Variants in ABTB2 observed in about 807,000 individuals in gnomAD.
The protein encoded by ABTB2 is ankyrin repeat and BTB domain containing 2.
In ABTB2, 56 loss-of-function variants were observed where a neutral mutation model predicts 104.1. The observed-to-expected ratio is 0.54, with a 90% CI of 0.43 to 0.67. The LOEUF is 0.67. Among genes scored for constraint, ABTB2 ranks in the 30% least tolerant of loss-of-function variants. The pLI, the probability that ABTB2 is intolerant of heterozygous loss-of-function variation, is 0.00. For synonymous variants in ABTB2, 606 were observed against 608.2 expected (o/e 1.00, Z 0.05); for missense variants, 1,279 against 1,407.7 (o/e 0.91, Z 1.46).
At chr11:34,233,295 A>G (rs773277962) in intron 1 of ABTB2, among the ~76,000 whole-genome samples, 1 of 150,886 alleles carries the variant, frequency 6.6e-6, no homozygotes, top group African/African-American at 2.4e-5. Flanking sequence ...TCTATTACCC[A>G]GGCAGAAGGG....
chr11:34,176,274 C>T (rs548837161), intron 3 of ABTB2, among the ~76,000 whole-genome samples: 74 of 100,368 alleles, frequency 7.4e-4, no homozygotes, highest in Non-Finnish European at 9.8e-4. Context: ...AGTGAGACTC[C>T]GTCTCAAAAA....
intron 1 of ABTB2, among the ~76,000 whole-genome samples, chr11:34,310,038 G>A (rs1172832276): frequency 3.3e-5 from 5 of 152,188 alleles, no homozygotes; most frequent in African/African-American, 1.2e-4. Flanking sequence ...TTGACATTGA[G>A]TAACAGTGAT....
At position 34,160,238 on chromosome 11, in the gene ABTB2, G is replaced by A. The variant is rs550366636; in HGVS notation, c.2503+10C>T. 1.2e-5 allele frequency: 20 copies of A among 1,604,184 alleles called. No individual in the cohort carries two copies. Among genetic ancestry groups the A allele is most frequent in the South Asian group, 4.4e-5 (4 of 90,886 alleles). On this transcript the variant is annotated intron_variant, in intron 12 of 16. Transcript: ENST00000435224. ...TGTGGTGATGCAGGGCGCAGGGGGC[G>A]CGCCTTCACCTAGCCTGGCCGGCAG...
intron 1 of ABTB2, among the ~76,000 whole-genome samples, chr11:34,352,173 C>G (rs371593318): frequency 6.6e-6 from 1 of 152,160 alleles, no homozygotes; most frequent in Non-Finnish European, 1.5e-5. Context: ...GAAGAGGTTT[C>G]GTCCCTGCTC....
At position 34,356,795 on chromosome 11, in the gene ABTB2, A is replaced by C. The variant is rs147157814; in HGVS notation, c.789T>G (p.Ser263=). ...DGGGAGGGEV[S]AEALEMVINN... The stretch of plus-strand genomic sequence containing the variant: ...TGATGACCATCTCCAGGGCCTCAGC[A>C]GACACCTCCCCGCCTCCGGCCCCTC... Residue 263 remains serine (S), a synonymous_variant, in exon 1 of 17, where the codon TCT becomes TCG. Transcript: ENST00000435224. The surrounding 1 kb of genome is among the most constrained non-coding windows in gnomAD (Gnocchi z 4.6). The C allele has an allele frequency of 9.9e-6, 16 of 1,609,760 alleles. No individual in the cohort carries two copies. In the African/African-American group the frequency reaches 1.2e-4, roughly 12 times the overall value.
chr11:34,163,074 C>G (rs1852746768), intron 9 of ABTB2, among the ~76,000 whole-genome samples: 1 of 152,208 alleles, frequency 6.6e-6, no homozygotes, highest in African/African-American at 2.4e-5. Context: ...GCTGAGCGAG[C>G]TCTGCCATCC....
intron 1 of ABTB2, among the ~76,000 whole-genome samples, chr11:34,284,717 AAAAT>A (rs1199662323): frequency 1.3e-5 from 2 of 152,258 alleles, no homozygotes; most frequent in South Asian, 2.1e-4. Flanking sequence ...GAACATTTAT[AAAAT>A]AAATAAATAT....
chr11:34,299,949 C>CA (rs1275856822), intron 1 of ABTB2, among the ~76,000 whole-genome samples: 1 of 152,138 alleles, frequency 6.6e-6, no homozygotes, highest in Non-Finnish European at 1.5e-5. Context: ...CTGCCTCCTT[C>CA]ATAAAGGCAC....
At chr11:34,220,411 T>C (rs1385576330) in intron 1 of ABTB2, among the ~76,000 whole-genome samples, 1 of 152,238 alleles carries the variant, frequency 6.6e-6, no homozygotes, top group Non-Finnish European at 1.5e-5. Flanking sequence ...ATTCAAGACT[T>C]CAGGGTTTCT....
At chr11:34,225,238 A>G (rs1242743301) in intron 1 of ABTB2, among the ~76,000 whole-genome samples, 1 of 152,266 alleles carries the variant, frequency 6.6e-6, no homozygotes, top group African/African-American at 2.4e-5. Flanking sequence ...GCGTTAGAGC[A>G]GAAGGGGAAA....
chr11:34,242,136 G>A (rs1390738515), intron 1 of ABTB2, among the ~76,000 whole-genome samples: 1 of 152,240 alleles, frequency 6.6e-6, no homozygotes, highest in Non-Finnish European at 1.5e-5. Flanking sequence ...GCACAGAAGA[G>A]TGGGCTTTTG....
intron 1 of ABTB2, among the ~76,000 whole-genome samples, chr11:34,224,756 G>A (rs1853666284): frequency 6.6e-6 from 1 of 152,180 alleles, no homozygotes; most frequent in Non-Finnish European, 1.5e-5. Flanking sequence ...GGCAAAGACT[G>A]GGCATACAAA....
At chr11:34,262,520 T>C (rs1001463240) in intron 1 of ABTB2, among the ~76,000 whole-genome samples, 1 of 152,082 alleles carries the variant, frequency 6.6e-6, no homozygotes, top group Admixed American at 6.5e-5. Flanking sequence ...TAGGGATGCA[T>C]AGCTAGGCTG....
intron 1 of ABTB2, among the ~76,000 whole-genome samples, chr11:34,208,495 C>T (rs1050176418): frequency 6.6e-6 from 1 of 152,144 alleles, no homozygotes; most frequent in Non-Finnish European, 1.5e-5. Flanking sequence ...ATCGAGTGAT[C>T]CTTTGCCTCC....
At position 34,167,330 on chromosome 11, in the gene ABTB2, T is replaced by G. The variant is rs369522107; in HGVS notation, c.1684A>C (p.Ile562Leu). 6.2e-7 allele frequency: 1 copy of G among 1,613,218 alleles called. No individual in the cohort carries two copies. The highest frequency in any genetic ancestry group is 1.7e-5 in the Admixed American group (1 of 59,936). Residue 562 changes from isoleucine to leucine, a missense_variant, in exon 7 of 17, where the codon ATC (isoleucine) becomes CTC (leucine). Coordinates refer to ENST00000435224, the MANE Select transcript of ABTB2 (RefSeq NM_145804.3). Reference sequence around the variant, plus strand: ...GTCCAGTGCCGGCTGTCGGGGTGGATGGAAGGGTGCCTGGGGGAGTTGCTT... The same window carrying G: ...GTCCAGTGCCGGCTGTCGGGGTGGAGGGAAGGGTGCCTGGGGGAGTTGCTT... The part of the protein sequence containing the change: ...VPSNSPRHPS[I>L]HPDSRHWTSL...
At position 34,173,263 on chromosome 11, in the gene ABTB2, G is replaced by C; in HGVS notation, c.1289C>G (p.Ala430Gly). The change falls in exon 4 of 17, where the codon GCC (alanine) becomes GGC (glycine). Residue 430 changes from alanine to glycine, a missense_variant. Ala to Gly is a moderately conservative substitution (Grantham distance 60, BLOSUM62 0). Coordinates refer to ENST00000435224, the MANE Select transcript of ABTB2 (RefSeq NM_145804.3). Reference sequence around the variant, plus strand: ...GCGGCGGTGCTCTGCGTAGGTGATGGCCACGCGCATCCACTCCATGAGGGG... The same window carrying C: ...GCGGCGGTGCTCTGCGTAGGTGATGCCCACGCGCATCCACTCCATGAGGGG... ...LPPLMEWMRVAITYAEHRRSL... is the reference protein window; with the variant it reads ...LPPLMEWMRVGITYAEHRRSL... 6.2e-7 allele frequency: 1 copy of C among 1,609,920 alleles called. No individual in the cohort carries two copies. Among genetic ancestry groups the C allele is most frequent in the Non-Finnish European group, 8.5e-7 (1 of 1,178,580 alleles).
chr11:34,155,222 C>G (rs1321608091), intron 14 of ABTB2, among the ~76,000 whole-genome samples: 1 of 152,240 alleles, frequency 6.6e-6, no homozygotes, highest in Non-Finnish European at 1.5e-5. Context: ...GTGGGAGGGT[C>G]TCTGAAGGGA....
chr11:34,242,974 C>G (rs1853938257), intron 1 of ABTB2, among the ~76,000 whole-genome samples: 1 of 152,150 alleles, frequency 6.6e-6, no homozygotes. Context: ...TGGGAGGAAG[C>G]TGGGTGTCTC....
At chr11:34,265,521 G>A (rs779131832) in intron 1 of ABTB2, among the ~76,000 whole-genome samples, 6 of 152,062 alleles carry the variant, frequency 3.9e-5, no homozygotes, top group South Asian at 2.1e-4. Flanking sequence ...TTAGCCAGGC[G>A]TGGCGGTACA....
Sources: gnomAD v4.1 joint callset for allele counts (sites outside exome capture counted in the v4.1 genomes callset) on GRCh38, gnomAD v4.1.1 for gene constraint, Gnocchi (gnomAD v3.1) non-coding constraint, MANE v1.5 for transcripts, NCBI Gene and HGNC (gene_info 2026-07-23, HGNC 2026-07-21) for gene names.